The following MYO18B variants were observed in gnomAD, a reference collection of about 807,000 sequenced individuals.
MYO18B encodes the protein myosin XVIIIB.
MYO18B carries 204 observed loss-of-function variants against 273.0 expected under a neutral mutation model. That is an observed-to-expected ratio of 0.75 (90% CI 0.67 to 0.84). MYO18B has a LOEUF of 0.84. MYO18B is among the 40% of genes least tolerant of loss of function. MYO18B has a pLI of 0.00. For synonymous variants in MYO18B, 1,330 were observed against 1,305.7 expected (o/e 1.02, Z -0.40); for missense variants, 3,212 against 3,287.6 (o/e 0.98, Z 0.56).
chr22:25,840,212 A>G lies in MYO18B; in HGVS notation c.3209-3523A>G, dbSNP rs144389432. 6.7e-3 allele frequency among the ~76,000 whole-genome samples: 1,024 copies of G among 152,276 alleles called. 15 individuals are homozygous for G. Among genetic ancestry groups the G allele is most frequent in the African/African-American group, 0.024 (978 of 41,546 alleles). ...TCACTGTCTCCCCAGGGCCCTGATC[A>G]TAACAAGGCCATATGTGCATGTTCC... On this transcript the variant is annotated intron_variant, in intron 17 of 43. Coordinates refer to ENST00000335473, the MANE Select transcript of MYO18B (RefSeq NM_032608.7).
intron 39 of MYO18B, among the ~76,000 whole-genome samples, chr22:25,967,246 C>T (rs947211296): frequency 6.6e-6 from 1 of 152,120 alleles, no homozygotes; most frequent in African/African-American, 2.4e-5. Context: ...TTGAATATGG[C>T]AGGAGTATAT....
intron 39 of MYO18B, among the ~76,000 whole-genome samples, chr22:25,971,958 A>T (rs188927002): frequency 0.026 from 3,890 of 151,614 alleles, 61 homozygotes; most frequent in Non-Finnish European, 0.038. Context: ...AAAAAAAAAA[A>T]TTTTTTTAGT....
chr22:25,937,232 G>A (rs1391074756), intron 34 of MYO18B, among the ~76,000 whole-genome samples: 5 of 151,772 alleles, frequency 3.3e-5, no homozygotes, highest in South Asian at 4.2e-4. Context: ...TAATGGGTGT[G>A]CACCACCATG....
chr22:26,031,050 T>C, downstream of MYO18B: 2 of 397,612 alleles, frequency 5.0e-6, no homozygotes. Flanking sequence ...CCTGAACGCA[T>C]GCGACACACT....
chr22:25,939,999 G>A (rs2331195), intron 34 of MYO18B, among the ~76,000 whole-genome samples: 74,679 of 152,094 alleles, frequency 0.49, 18,850 homozygotes, highest in Middle Eastern at 0.62. Flanking sequence ...GTCTGGCACA[G>A]AGTAACAGCT....
chr22:25,871,697 G>A (rs2091049038), intron 22 of MYO18B, among the ~76,000 whole-genome samples: 1 of 152,158 alleles, frequency 6.6e-6, no homozygotes, highest in Non-Finnish European at 1.5e-5. Flanking sequence ...GCCTTATCAA[G>A]GCTTGTGCTG....
At chr22:25,763,845 A>G (rs928210838) in intron 3 of MYO18B, among the ~76,000 whole-genome samples, 1 of 152,220 alleles carries the variant, frequency 6.6e-6, no homozygotes, top group African/African-American at 2.4e-5. Flanking sequence ...TTACTTGAAC[A>G]CTATTTTTAT....
chr22:25,764,984 A>G (rs962643727), intron 3 of MYO18B, among the ~76,000 whole-genome samples: 2 of 152,138 alleles, frequency 1.3e-5, no homozygotes, highest in African/African-American at 4.8e-5. Flanking sequence ...GATGCCTGGA[A>G]AAGGACCAGT....
At chr22:25,941,238 A>T (rs767924651) in intron 34 of MYO18B, among the ~76,000 whole-genome samples, 5 of 152,280 alleles carry the variant, frequency 3.3e-5, no homozygotes, top group Non-Finnish European at 7.4e-5. Flanking sequence ...CAGGACCTTC[A>T]TCTCACCCTA....
intron 11 of MYO18B, among the ~76,000 whole-genome samples, chr22:25,797,172 G>A (rs1337301604): frequency 1.3e-5 from 2 of 152,200 alleles, no homozygotes; most frequent in African/African-American, 2.4e-5. Flanking sequence ...AGGTTGCAGT[G>A]AGCTGAGATT....
rs558824954 is a variant in MYO18B at position 26,009,066 on chromosome 22, T to A, written c.6470+4211T>A. ...TCATCGGGCAGTCGCTGTTCTCATTTCCTGGGCAATTATTCCAAACCATCC... is the reference window on the plus strand; with the variant it reads ...TCATCGGGCAGTCGCTGTTCTCATTACCTGGGCAATTATTCCAAACCATCC... On this transcript the variant is annotated intron_variant, in intron 42 of 43. Transcript: ENST00000335473. 2.0e-5 allele frequency among the ~76,000 whole-genome samples: 3 copies of A among 152,328 alleles called. No homozygotes were observed. The East Asian group carries it at 5.8e-4, about 29-fold the overall frequency.
chr22:25,853,913 T>C (rs1258818788), intron 21 of MYO18B, among the ~76,000 whole-genome samples: 2 of 152,188 alleles, frequency 1.3e-5, no homozygotes, highest in Non-Finnish European at 2.9e-5. Context: ...TCATCCTGCC[T>C]CTTATGAAAA....
chr22:25,777,559 C>T (rs780236278), intron 7 of MYO18B, 24 bp from the exon 8 acceptor site: 3 of 1,562,938 alleles, frequency 1.9e-6, no homozygotes, highest in Non-Finnish European at 2.6e-6. Flanking sequence ...GATGGGATGG[C>T]TGATACCTGT....
intron 42 of MYO18B, among the ~76,000 whole-genome samples, chr22:26,012,651 G>C (rs540371423): frequency 6.6e-6 from 1 of 152,196 alleles, no homozygotes; most frequent in Non-Finnish European, 1.5e-5. Flanking sequence ...TAGGAAGGAA[G>C]GCTGTTTCCT....
intron 15 of MYO18B, among the ~76,000 whole-genome samples, chr22:25,829,479 G>T (rs2089624332): frequency 2.0e-5 from 3 of 150,274 alleles, no homozygotes; most frequent in Non-Finnish European, 4.4e-5. Flanking sequence ...GTGTGAACCA[G>T]GAAGCATGTA....
At chr22:25,996,977 AG>A (rs1460436565) in intron 40 of MYO18B, among the ~76,000 whole-genome samples, 1 of 152,126 alleles carries the variant, frequency 6.6e-6, no homozygotes, top group African/African-American at 2.4e-5. Context: ...AAAATGCCCC[AG>A]TGCCCCAGGC....
At chr22:26,039,751 G>A in the MYO18B span, among the ~76,000 whole-genome samples, 1 of 152,050 alleles carries the variant, frequency 6.6e-6, no homozygotes, top group Admixed American at 6.6e-5. Flanking sequence ...AGTGTACACT[G>A]TACCCAATAT....
At chr22:25,825,989 C>T (rs1162342380) in intron 13 of MYO18B, among the ~76,000 whole-genome samples, 1 of 152,194 alleles carries the variant, frequency 6.6e-6, no homozygotes, top group Non-Finnish European at 1.5e-5. Flanking sequence ...AGGGACAGCG[C>T]CTATCTTCAG....
chr22:25,980,081 C>A (rs2093134086), intron 39 of MYO18B, among the ~76,000 whole-genome samples: 1 of 152,102 alleles, frequency 6.6e-6, no homozygotes, highest in African/African-American at 2.4e-5. Flanking sequence ...GTAGGAAACT[C>A]CCAGGTTGTA....
Sources: allele counts gnomAD v4.1 joint callset (sites outside exome capture counted in the v4.1 genomes callset), GRCh38; gene constraint gnomAD v4.1.1; transcripts MANE v1.5; gene names NCBI Gene and HGNC (gene_info 2026-07-23, HGNC 2026-07-21).